Variants in PPP5C observed in about 807,000 individuals in gnomAD.
The protein encoded by PPP5C is protein phosphatase 5 catalytic subunit.
A neutral mutation model predicts 66.7 loss-of-function variants in PPP5C; 21 were observed. The ratio of observed to expected loss-of-function variants is 0.31; its 90% CI spans 0.22 to 0.45. The LOEUF (loss-of-function observed/expected upper bound fraction) is 0.45, where lower values mean the gene tolerates loss of function less well. Ranked by LOEUF, PPP5C falls within the 20% of genes least tolerant of loss-of-function variation. PPP5C has a pLI of 1.00. For missense variants in PPP5C, 464 were observed against 675.9 expected (o/e 0.69, Z 3.48); for synonymous variants, 246 against 257.4 (o/e 0.96, Z 0.43).
At chr19:46,351,655 G>A (rs1188480750) in intron 1 of PPP5C, among the ~76,000 whole-genome samples, 1 of 152,228 alleles carries the variant, frequency 6.6e-6, no homozygotes, top group Non-Finnish European at 1.5e-5. Flanking sequence ...ACCACAGCCA[G>A]GAGGCCTGAA....
chr19:46,379,934 C>T (rs1972761873), intron 4 of PPP5C, among the ~76,000 whole-genome samples: 1 of 152,216 alleles, frequency 6.6e-6, no homozygotes, highest in South Asian at 2.1e-4. Flanking sequence ...AAAAAGGCTG[C>T]TCCAAAGATT....
At position 46,376,918 on chromosome 19, in the gene PPP5C, GTTGT is replaced by G. The variant is rs1378031127; in HGVS notation, c.633+348_633+351del. On this transcript the variant is annotated intron_variant, in intron 4 of 12. Coordinates refer to ENST00000012443, the MANE Select transcript of PPP5C (RefSeq NM_006247.4). The surrounding 1 kb of genome is among the most constrained non-coding windows in gnomAD (Gnocchi z 5.1). ...CGTCTGTGGCTGCTGGTTGTTGCAG[GTTGT>G]TTGGGACCTGCTGGTTGCTCCTAGT... Among the ~76,000 whole-genome samples, 2 of 152,142 alleles carry G rather than the reference GTTGT, an allele frequency of 1.3e-5. No individual in the cohort carries two copies. Among genetic ancestry groups the G allele is most frequent in the African/African-American group, 4.8e-5 (2 of 41,448 alleles).
intron 2 of PPP5C, among the ~76,000 whole-genome samples, chr19:46,354,199 C>T (rs1043003798): frequency 2.0e-5 from 3 of 152,242 alleles, no homozygotes; most frequent in Non-Finnish European, 2.9e-5. Context: ...CCAGTTACCC[C>T]GCCTCGCCAC....
chr19:46,382,987 C>T, intron 4 of PPP5C: 2 of 1,088,772 alleles, frequency 1.8e-6, no homozygotes, highest in South Asian at 2.1e-5. Context: ...GTTGAAAGCA[C>T]CAGTGTTGCC....
At chr19:46,380,657 C>T (rs539925479) in intron 4 of PPP5C, among the ~76,000 whole-genome samples, 2 of 152,178 alleles carry the variant, frequency 1.3e-5, no homozygotes, top group Non-Finnish European at 2.9e-5. Flanking sequence ...ATTTTGTCTT[C>T]ATTTTTAGGG....
intron 2 of PPP5C, among the ~76,000 whole-genome samples, chr19:46,363,420 G>C (rs1601421651): frequency 7.2e-6 from 1 of 137,942 alleles, no homozygotes; most frequent in African/African-American, 2.7e-5. Context: ...GAAAATCTTT[G>C]GGCTTACTTT....
intron 1 of PPP5C, among the ~76,000 whole-genome samples, chr19:46,352,095 C>A (rs1344884761): frequency 1.3e-5 from 2 of 152,204 alleles, no homozygotes; most frequent in African/African-American, 2.4e-5. Context: ...GGACTCTCTT[C>A]TTCCATCTCT....
chr19:46,355,930 A>G (rs967531785), intron 2 of PPP5C, among the ~76,000 whole-genome samples: 4 of 151,962 alleles, frequency 2.6e-5, no homozygotes, highest in Non-Finnish European at 5.9e-5. Flanking sequence ...TCCCCAGGGT[A>G]AGGAGCAGGG....
chr19:46,375,465 G>A (rs1039075523), intron 2 of PPP5C, 139 bp from the exon 3 acceptor site: 50 of 1,318,496 alleles, frequency 3.8e-5, no homozygotes, highest in Middle Eastern at 2.0e-4. Flanking sequence ...AGTTAAATAC[G>A]TCTAGGGTTG....
chr19:46,362,347 A>G (rs529991522), intron 2 of PPP5C, among the ~76,000 whole-genome samples: 5 of 152,316 alleles, frequency 3.3e-5, no homozygotes, highest in South Asian at 4.1e-4. Context: ...AGATCTCAGT[A>G]TCTTTTGTTT....
At chr19:46,387,680 G>A (rs1006303354) in intron 9 of PPP5C, 21 of 1,471,056 alleles carry the variant, frequency 1.4e-5, no homozygotes, top group Admixed American at 1.0e-4. Context: ...CACGGTGACC[G>A]CCGAGCACAC....
intron 2 of PPP5C, among the ~76,000 whole-genome samples, chr19:46,372,848 C>T (rs1458120499): frequency 8.5e-5 from 13 of 152,360 alleles, no homozygotes; most frequent in African/African-American, 2.6e-4. Flanking sequence ...AGTTCTGACC[C>T]GGTGGGCCTT....
chr19:46,383,322 G>C lies in PPP5C; in HGVS notation c.634-89G>C. ...CTGCTTCTCCCTCGCCCTCAGCCCA[G>C]CAGCGTCTCATGGGCAGTCCAGGCT... On this transcript the variant is annotated intron_variant, in intron 4 of 12. Coordinates refer to ENST00000012443, the MANE Select transcript of PPP5C (RefSeq NM_006247.4). This position sits in a 1 kb window ranked among gnomAD's most constrained non-coding sequence, Gnocchi z 5.0. 6.4e-7 allele frequency: 1 copy of C among 1,561,684 alleles called. No individual in the cohort carries two copies. Among genetic ancestry groups the C allele is most frequent in the Admixed American group, 1.9e-5 (1 of 51,918 alleles).
At chr19:46,368,404 A>C (rs1273471539) in intron 2 of PPP5C, among the ~76,000 whole-genome samples, 2 of 152,178 alleles carry the variant, frequency 1.3e-5, no homozygotes, top group East Asian at 3.8e-4. Flanking sequence ...GACCCACCAG[A>C]AGCAGTTTGC....
rs1409704988 is a variant in PPP5C, at chr19:46,347,230, G to A, written c.121+13G>A. 2.5e-6 allele frequency: 4 copies of A among 1,598,528 alleles called. No homozygotes were observed. The highest frequency in any genetic ancestry group is 3.4e-6 in the Non-Finnish European group (4 of 1,172,888). On this transcript the variant is annotated intron_variant, in intron 1 of 12. Coordinates refer to ENST00000012443, the MANE Select transcript of PPP5C (RefSeq NM_006247.4). ...GACTACTTCAAAGGTGCGCCCGCCT[G>A]GCAGGGAGGGTGGACAGTGGCCCAG...
At chr19:46,347,295 G>T in intron 1 of PPP5C, 78 bp downstream of exon 1, 1 of 1,488,206 alleles carries the variant, frequency 6.7e-7, no homozygotes, top group Non-Finnish European at 9.0e-7. Flanking sequence ...ATAGCAACGC[G>T]GAGCTGCAGC....
At position 46,386,411 on chromosome 19, in the gene PPP5C, C is replaced by T. The variant is rs191755904; in HGVS notation, c.905-682C>T. On this transcript the variant is annotated intron_variant, in intron 7 of 12. Transcript: ENST00000012443. ...GCACAGGGTCAAAGCTCAGGAAGCC[C>T]GACTGTGGGCCTCGTTGCAGGAGGC... is the stretch of plus-strand genomic sequence containing the variant. Among the ~76,000 whole-genome samples the T allele has an allele frequency of 3.9e-5, 6 of 152,232 alleles. No individual in the cohort carries two copies. In the East Asian group the frequency reaches 5.8e-4, roughly 15 times the overall value.
At chr19:46,370,847 T>C (rs983849648) in intron 2 of PPP5C, among the ~76,000 whole-genome samples, 2 of 152,074 alleles carry the variant, frequency 1.3e-5, no homozygotes, top group African/African-American at 4.8e-5. Flanking sequence ...TTCATACCAT[T>C]CTCCTGCTTC....
chr19:46,385,335 G>T (rs1015563923), intron 7 of PPP5C, among the ~76,000 whole-genome samples: 1 of 152,104 alleles, frequency 6.6e-6, no homozygotes, highest in African/African-American at 2.4e-5. Context: ...GTCAGATTTG[G>T]GTTCTCTTGA....
Sources: allele counts gnomAD v4.1 joint callset (sites outside exome capture counted in the v4.1 genomes callset), GRCh38; gene constraint gnomAD v4.1.1; non-coding constraint Gnocchi (gnomAD v3.1); transcripts MANE v1.5; gene names NCBI Gene and HGNC (gene_info 2026-07-23, HGNC 2026-07-21).